The following CDC42SE2 variants were observed in gnomAD, a reference collection of about 807,000 sequenced individuals.
CDC42SE2 encodes the protein CDC42 small effector protein 2.
Under a neutral mutation model 11.5 loss-of-function variants are expected in CDC42SE2, and 3 were observed. That is an observed-to-expected ratio of 0.26 (90% CI 0.12 to 0.67). The LOEUF is 0.67. CDC42SE2 is among the 30% of genes least tolerant of loss of function. The pLI, the probability that CDC42SE2 is intolerant of heterozygous loss-of-function variation, is 0.80. For missense variants in CDC42SE2, 82 were observed against 106.8 expected (o/e 0.77, Z 1.02); for synonymous variants, 33 against 34.8 (o/e 0.95, Z 0.18).
chr5:131,307,089 A>C (rs963483497), intron 1 of CDC42SE2, among the ~76,000 whole-genome samples: 9 of 151,570 alleles, frequency 5.9e-5, no homozygotes, highest in Admixed American at 3.9e-4. Flanking sequence ...ATTATACTTT[A>C]AGTTTTAGGG....
chr5:131,378,842 G>A (rs1750231699), intron 3 of CDC42SE2, among the ~76,000 whole-genome samples: 1 of 152,060 alleles, frequency 6.6e-6, no homozygotes, highest in South Asian at 2.1e-4. Context: ...AGTAACCACT[G>A]AAAACTCAGC....
chr5:131,225,030 G>A, the CDC42SE2 span, among the ~76,000 whole-genome samples: 3 of 152,060 alleles, frequency 2.0e-5, no homozygotes, highest in African/African-American at 7.2e-5. Context: ...AGGCAGAGAG[G>A]GTAAGCAGTG....
chr5:131,390,814 A>G (rs1490074827), intron 4 of CDC42SE2, among the ~76,000 whole-genome samples, 179 bp from the exon 5 acceptor site: 1 of 152,330 alleles, frequency 6.6e-6, no homozygotes, highest in African/African-American at 2.4e-5. Context: ...TTCAGTTGCT[A>G]GCCTCCCTGT....
At chr5:131,390,359 G>C (rs1369115292) in intron 4 of CDC42SE2, among the ~76,000 whole-genome samples, 1 of 152,138 alleles carries the variant, frequency 6.6e-6, no homozygotes, top group Admixed American at 6.5e-5. Context: ...TGAGATATCT[G>C]TAAATTAAGA....
intron 2 of CDC42SE2, among the ~76,000 whole-genome samples, chr5:131,351,455 C>T (rs945909061): frequency 1.3e-5 from 2 of 152,136 alleles, no homozygotes; most frequent in Admixed American, 6.5e-5. Context: ...GGGGTTTCAC[C>T]ATGTTAGCCA....
chr5:131,365,626 A>T (rs1749829580), intron 3 of CDC42SE2, among the ~76,000 whole-genome samples: 1 of 152,202 alleles, frequency 6.6e-6, no homozygotes, highest in Non-Finnish European at 1.5e-5. Context: ...ACATCACATT[A>T]TAAAACCATA....
chr5:131,308,876 T>C (rs1757835946), intron 1 of CDC42SE2, among the ~76,000 whole-genome samples: 2 of 152,140 alleles, frequency 1.3e-5, no homozygotes, highest in South Asian at 4.1e-4. Context: ...AGCTATACAA[T>C]CATGTCATCT....
intron 1 of CDC42SE2, among the ~76,000 whole-genome samples, chr5:131,300,482 G>T (rs976284153): frequency 1.3e-5 from 2 of 152,038 alleles, no homozygotes; most frequent in Non-Finnish European, 2.9e-5. Flanking sequence ...ATAGAGAATG[G>T]CCATTAATAA....
At chr5:131,364,527 A>G (rs892934466) in intron 3 of CDC42SE2, among the ~76,000 whole-genome samples, 3 of 152,162 alleles carry the variant, frequency 2.0e-5, no homozygotes, top group Non-Finnish European at 4.4e-5. Flanking sequence ...TGAAATAGGA[A>G]ATCATTGAAT....
chr5:131,303,430 G>C (rs1757722685), intron 1 of CDC42SE2, among the ~76,000 whole-genome samples: 1 of 152,212 alleles, frequency 6.6e-6, no homozygotes, highest in South Asian at 2.1e-4. Flanking sequence ...TTGAGGAAAA[G>C]TGGAAAGTAC....
chr5:131,265,195 A>G (rs562331066), intron 1 of CDC42SE2, among the ~76,000 whole-genome samples: 2 of 152,314 alleles, frequency 1.3e-5, no homozygotes, highest in South Asian at 4.1e-4. Context: ...TACTCTCAAT[A>G]TTATGAACAT....
chr5:131,339,170 C>T (rs910868784), intron 2 of CDC42SE2, among the ~76,000 whole-genome samples: 1 of 147,370 alleles, frequency 6.8e-6, no homozygotes, highest in African/African-American at 2.6e-5. Flanking sequence ...ATTGCCTGAA[C>T]CCAGGAGGTG....
At chr5:131,386,677 G>C (rs1750496815) in intron 4 of CDC42SE2, among the ~76,000 whole-genome samples, 1 of 152,202 alleles carries the variant, frequency 6.6e-6, no homozygotes, top group East Asian at 1.9e-4. Flanking sequence ...CCAAATGCGG[G>C]TTCTTATCAG....
chr5:131,337,031 G>T (rs768425014), intron 2 of CDC42SE2, among the ~76,000 whole-genome samples: 43 of 152,222 alleles, frequency 2.8e-4, no homozygotes, highest in Non-Finnish European at 5.9e-4. Flanking sequence ...TCCTTTGGAG[G>T]AGGAGAGGCG....
chr5:131,247,870 G>A (rs1391298978), intron 1 of CDC42SE2, among the ~76,000 whole-genome samples: 1 of 151,980 alleles, frequency 6.6e-6, no homozygotes, highest in East Asian at 1.9e-4. Context: ...TGAAATCCAG[G>A]CTCCAAGTGA....
intron 1 of CDC42SE2, among the ~76,000 whole-genome samples, chr5:131,254,498 C>T (rs1687840043): frequency 6.6e-6 from 1 of 150,698 alleles, no homozygotes; most frequent in Non-Finnish European, 1.5e-5. Flanking sequence ...GCTGAGATGG[C>T]GCCACTGCAC....
chr5:131,286,186 C>T (rs114526647), intron 1 of CDC42SE2, among the ~76,000 whole-genome samples: 3,204 of 151,552 alleles, frequency 0.021, 119 homozygotes, highest in African/African-American at 0.074. Flanking sequence ...CAGTCCTCCC[C>T]GGCTCAAGAG....
intron 2 of CDC42SE2, chr5:131,255,493 A>G (rs972720824): frequency 7.9e-5 from 12 of 152,314 alleles, no homozygotes; most frequent in African/African-American, 2.6e-4. Context: ...AGCCGGGCGC[A>G]GTGGCTCATG....
At chr5:131,305,693 A>G (rs1468169729) in intron 1 of CDC42SE2, among the ~76,000 whole-genome samples, 1 of 152,052 alleles carries the variant, frequency 6.6e-6, no homozygotes, top group Non-Finnish European at 1.5e-5. Flanking sequence ...TTTTCTCTCA[A>G]TCTGTGGATT....
Sources: gnomAD v4.1 joint callset for allele counts (sites outside exome capture counted in the v4.1 genomes callset) on GRCh38, gnomAD v4.1.1 for gene constraint, MANE v1.5 for transcripts, NCBI Gene and HGNC (gene_info 2026-07-23, HGNC 2026-07-21) for gene names.